The following CTNNA3 variants were observed in gnomAD, a reference collection of about 807,000 sequenced individuals.
CTNNA3 encodes catenin alpha-3.
A neutral mutation model predicts 95.7 loss-of-function variants in CTNNA3; 76 were observed. The ratio of observed to expected loss-of-function variants is 0.79; its 90% confidence interval spans 0.66 to 0.96. CTNNA3 has a LOEUF of 0.96. Ranked by LOEUF, CTNNA3 falls within the 40% of genes least tolerant of loss-of-function variation. CTNNA3 has a pLI of 0.00. For synonymous variants in CTNNA3, 431 were observed against 374.4 expected (o/e 1.15, Z -1.74); for missense variants, 1,191 against 1,089.8 (o/e 1.09, Z -1.31).
intron 2 of CTNNA3, among the ~76,000 whole-genome samples, chr10:67,631,280 G>T (rs1165200873): frequency 1.3e-5 from 2 of 150,406 alleles, no homozygotes; most frequent in Admixed American, 1.3e-4. Flanking sequence ...TGACCCAAGA[G>T]AAAAAAATCT....
intron 7 of CTNNA3, among the ~76,000 whole-genome samples, chr10:67,101,496 T>A (rs1858339899): frequency 6.6e-6 from 1 of 151,790 alleles, no homozygotes; most frequent in Non-Finnish European, 1.5e-5. Context: ...CAAATTGATG[T>A]ATAGAACCTA....
At chr10:67,516,087 C>A (rs1055859492) in intron 5 of CTNNA3, among the ~76,000 whole-genome samples, 1 of 152,130 alleles carries the variant, frequency 6.6e-6, no homozygotes, top group Non-Finnish European at 1.5e-5. Flanking sequence ...CTCAGCCTCC[C>A]GAGTAGCTGC....
rs763972202 is a variant in CTNNA3, at chr10:65,988,678, TGTAA to T, written c.2265+10_2265+13del. 5 of 1,602,032 alleles carry T rather than the reference TGTAA, an allele frequency of 3.1e-6. No individual in the cohort carries two copies. The highest frequency in any genetic ancestry group is 4.3e-6 in the Non-Finnish European group (5 of 1,169,574). On this transcript the variant is annotated intron_variant, in intron 16 of 17. Coordinates refer to ENST00000433211, the MANE Select transcript of CTNNA3 (RefSeq NM_013266.4). ...AGCATGAACTTTTATGATGTCCACT[TGTAA>T]GTAACTCACCTGATTAGCAATCTGC...
chr10:67,094,018 G>C (rs1857817925), intron 7 of CTNNA3, among the ~76,000 whole-genome samples: 1 of 151,892 alleles, frequency 6.6e-6, no homozygotes, highest in Non-Finnish European at 1.5e-5. Context: ...CTCAGCATCT[G>C]ACTTCCTACT....
chr10:67,236,870 AC>A (rs1225038936), intron 5 of CTNNA3, among the ~76,000 whole-genome samples: 1 of 151,320 alleles, frequency 6.6e-6, no homozygotes, highest in Non-Finnish European at 1.5e-5. Context: ...GAACATTTCT[AC>A]ACTGCTGATG....
intron 7 of CTNNA3, among the ~76,000 whole-genome samples, chr10:67,143,047 G>T (rs1860658355): frequency 1.3e-5 from 2 of 152,158 alleles, no homozygotes; most frequent in South Asian, 4.1e-4. Context: ...TGACTGACCA[G>T]GATGGTGGTT....
At chr10:66,203,871 A>G (rs1423639385) in intron 13 of CTNNA3, among the ~76,000 whole-genome samples, 2 of 152,086 alleles carry the variant, frequency 1.3e-5, no homozygotes, top group Non-Finnish European at 1.5e-5. Context: ...ATGTTATTTT[A>G]TATTCATATT....
At chr10:67,006,825 A>G (rs10762125) in intron 7 of CTNNA3, among the ~76,000 whole-genome samples, 79,509 of 151,694 alleles carry the variant, frequency 0.52, 21,545 homozygotes, top group Middle Eastern at 0.74. Context: ...ATGGAGTCTC[A>G]CTCTGTTGCC....
intron 11 of CTNNA3, among the ~76,000 whole-genome samples, chr10:66,392,504 C>T (rs1284013938): frequency 2.0e-5 from 3 of 151,910 alleles, no homozygotes; most frequent in African/African-American, 2.4e-5. Flanking sequence ...ATCTGATGCA[C>T]GACTGGTATC....
At chr10:67,379,325 T>C (rs1422997210) in intron 5 of CTNNA3, among the ~76,000 whole-genome samples, 2 of 152,178 alleles carry the variant, frequency 1.3e-5, no homozygotes, top group Non-Finnish European at 2.9e-5. Context: ...AAGCCTCAGA[T>C]TCATCTTCTA....
At position 66,083,467 on chromosome 10, in the gene CTNNA3, C is replaced by T. The variant is rs116050134; in HGVS notation, c.1978-13978G>A. On this transcript the variant is annotated intron_variant, in intron 14 of 17. Coordinates refer to ENST00000433211, the MANE Select transcript of CTNNA3 (RefSeq NM_013266.4). ...TGGTTTCACGTGAGGGTCAAAGGAC[C>T]GCCACACACTTTCTACCTAACATCT... Among the ~76,000 whole-genome samples the T allele has an allele frequency of 2.4e-3, 369 of 152,146 alleles. 2 individuals are homozygous for T. Among genetic ancestry groups the T allele is most frequent in the African/African-American group, 7.9e-3 (327 of 41,530 alleles).
chr10:67,555,651 T>G (rs1841213801), intron 3 of CTNNA3, among the ~76,000 whole-genome samples: 1 of 152,210 alleles, frequency 6.6e-6, no homozygotes, highest in African/African-American at 2.4e-5. Context: ...AAGGAGATTT[T>G]GGGCTGAGAC....
chr10:67,407,916 A>G (rs1438350040), intron 5 of CTNNA3, among the ~76,000 whole-genome samples: 2 of 152,090 alleles, frequency 1.3e-5, no homozygotes, highest in Non-Finnish European at 2.9e-5. Flanking sequence ...GAAATCAGAG[A>G]TGACACAAAC....
At chr10:67,758,070 A>C (rs1841443167) in intron 1 of CTNNA3, among the ~76,000 whole-genome samples, 1 of 152,086 alleles carries the variant, frequency 6.6e-6, no homozygotes, top group African/African-American at 2.4e-5. Context: ...AAGGCAGAGG[A>C]AGGGCAAATT....
chr10:67,512,396 A>C (rs1045621987), intron 5 of CTNNA3, among the ~76,000 whole-genome samples: 5 of 152,218 alleles, frequency 3.3e-5, no homozygotes, highest in Admixed American at 6.5e-5. Flanking sequence ...GTATATATCC[A>C]AAGGAAATGA....
At chr10:66,095,586 C>G (rs1420355345) in intron 14 of CTNNA3, among the ~76,000 whole-genome samples, 3 of 151,836 alleles carry the variant, frequency 2.0e-5, no homozygotes, top group Non-Finnish European at 4.4e-5. Flanking sequence ...TTAGAGTAAA[C>G]CACTCATCCA....
At chr10:65,993,293 T>C (rs2078581447) in intron 15 of CTNNA3, among the ~76,000 whole-genome samples, 1 of 151,942 alleles carries the variant, frequency 6.6e-6, no homozygotes, top group South Asian at 2.1e-4. Context: ...ACAATGTTTC[T>C]TTTTAAATTT....
chr10:66,360,809 C>CTT (rs752215467), intron 12 of CTNNA3, among the ~76,000 whole-genome samples: 1 of 70,200 alleles, frequency 1.4e-5, no homozygotes, highest in African/African-American at 7.4e-5. Flanking sequence ...TCCTTCCTTC[C>CTT]TTCCTTCCTT....
chr10:67,364,108 A>C (rs1843110311), intron 5 of CTNNA3, among the ~76,000 whole-genome samples: 1 of 152,198 alleles, frequency 6.6e-6, no homozygotes, highest in African/African-American at 2.4e-5. Flanking sequence ...CCAGCAGCAC[A>C]TCAAAAAGCT....
Sources: gnomAD v4.1 joint callset for allele counts (sites outside exome capture counted in the v4.1 genomes callset) on GRCh38, gnomAD v4.1.1 for gene constraint, MANE v1.5 for transcripts, NCBI Gene and HGNC (gene_info 2026-07-23, HGNC 2026-07-21) for gene names.